EPB41L4A: variants seen among roughly 807,000 people sequenced by gnomAD.
The protein encoded by EPB41L4A is erythrocyte membrane protein band 4.1 like 4A.
EPB41L4A carries 100 observed loss-of-function variants against 108.6 expected under a neutral mutation model. The ratio of observed to expected loss-of-function variants is 0.92; its 90% CI spans 0.78 to 1.09. EPB41L4A has a LOEUF of 1.09. EPB41L4A is among the 50% of genes least tolerant of loss of function. EPB41L4A has a pLI of 0.00. For missense variants in EPB41L4A, 1,030 were observed against 842.7 expected (o/e 1.22, Z -2.75); for synonymous variants, 319 against 289.0 (o/e 1.10, Z -1.05).
At chr5:112,284,229 T>C (rs1301860970) in intron 2 of EPB41L4A, among the ~76,000 whole-genome samples, 1 of 152,128 alleles carries the variant, frequency 6.6e-6, no homozygotes, top group Non-Finnish European at 1.5e-5. Context: ...AGCAGAGAGC[T>C]GAGAATCATG....
intron 1 of EPB41L4A, among the ~76,000 whole-genome samples, chr5:112,346,374 C>G (rs765609957): frequency 6.6e-6 from 1 of 151,770 alleles, no homozygotes; most frequent in Non-Finnish European, 1.5e-5. Flanking sequence ...CAGGCATGCA[C>G]CACCACACCT....
At chr5:112,413,239 T>C (rs1762515604) in intron 1 of EPB41L4A, among the ~76,000 whole-genome samples, 1 of 152,362 alleles carries the variant, frequency 6.6e-6, no homozygotes, top group Admixed American at 6.5e-5. Context: ...TCATGTTTTC[T>C]GAAATAGCTG....
At chr5:112,159,886 ATCTGTT>A (rs1380221237), downstream of EPB41L4A, among the ~76,000 whole-genome samples, 1 of 149,510 alleles carries the variant, frequency 6.7e-6, no homozygotes, top group Non-Finnish European at 1.5e-5. Flanking sequence ...AATTAATTTG[ATCTGTT>A]TCTTTTTACT....
intron 2 of EPB41L4A, among the ~76,000 whole-genome samples, chr5:112,292,217 T>A (rs1274048857): frequency 6.6e-6 from 1 of 152,238 alleles, no homozygotes; most frequent in Non-Finnish European, 1.5e-5. Context: ...GTATCTGCTA[T>A]GTGATTGAAT....
At chr5:112,418,713 G>A (rs767295516) in intron 1 of EPB41L4A, among the ~76,000 whole-genome samples, 19 of 152,062 alleles carry the variant, frequency 1.2e-4, no homozygotes, top group Non-Finnish European at 2.5e-4. Context: ...CCGGTGTGCT[G>A]AGTAAACTTA....
intron 15 of EPB41L4A, among the ~76,000 whole-genome samples, chr5:112,200,354 T>C (rs886614584): frequency 1.3e-5 from 2 of 152,250 alleles, no homozygotes; most frequent in African/African-American, 2.4e-5. Flanking sequence ...GGCATCTATT[T>C]ATAAAAATTT....
chr5:112,234,298 C>G (rs934232416), intron 12 of EPB41L4A, among the ~76,000 whole-genome samples: 1 of 151,666 alleles, frequency 6.6e-6, no homozygotes, highest in African/African-American at 2.4e-5. Flanking sequence ...CAGAACATCA[C>G]TTGGGCCCAG....
At chr5:112,370,678 G>A (rs1759436480) in intron 1 of EPB41L4A, among the ~76,000 whole-genome samples, 2 of 152,208 alleles carry the variant, frequency 1.3e-5, no homozygotes, top group Admixed American at 1.3e-4. Flanking sequence ...ACTTTGGGAG[G>A]CTGAGGCGGG....
chr5:112,200,115 T>G (rs1270597290), intron 15 of EPB41L4A, among the ~76,000 whole-genome samples: 1 of 152,240 alleles, frequency 6.6e-6, no homozygotes, highest in Non-Finnish European at 1.5e-5. Context: ...TTTTATTCAC[T>G]CTCAGAGTCT....
rs79265651 is a variant in EPB41L4A at position 112,310,536 on chromosome 5, T to C, written c.100-3046A>G. 5.7e-3 allele frequency among the ~76,000 whole-genome samples: 873 copies of C among 152,336 alleles called. 8 individuals are homozygous for C. Among genetic ancestry groups the C allele is most frequent in the African/African-American group, 0.02 (823 of 41,572 alleles). ...GTATGGCCCGAACGCATATCCTTAA[T>C]CAAATAGATGGTTCCTTCAATTCTG... On this transcript the variant is annotated intron_variant, in intron 1 of 22. Transcript: ENST00000261486.
At chr5:112,336,263 A>C (rs2150681215) in intron 1 of EPB41L4A, among the ~76,000 whole-genome samples, 1 of 152,336 alleles carries the variant, frequency 6.6e-6, no homozygotes, top group South Asian at 2.1e-4. Flanking sequence ...GGGCAGTGGA[A>C]ATTGAACCTG....
intron 1 of EPB41L4A, among the ~76,000 whole-genome samples, chr5:112,385,874 T>TA (rs1760488688): frequency 6.6e-6 from 1 of 152,240 alleles, no homozygotes; most frequent in Non-Finnish European, 1.5e-5. Flanking sequence ...TTTCTGGAAA[T>TA]AATGTGGGCA....
Position 112,163,673 on chromosome 5 carries a change from G to A in EPB41L4A, c.*1317C>T, listed in dbSNP as rs888443466. On this transcript the variant is annotated 3_prime_UTR_variant, in exon 23 of 23. Coordinates refer to ENST00000261486, the MANE Select transcript of EPB41L4A (RefSeq NM_022140.5). ...GCTTAAGATAGGGATTAGATGAATTGAGGGCAATGACTAAAGATACTGCTT... is the reference window on the plus strand; with the variant it reads ...GCTTAAGATAGGGATTAGATGAATTAAGGGCAATGACTAAAGATACTGCTT... 2.6e-5 allele frequency: 4 copies of A among 152,214 alleles called. No homozygotes were observed. Among genetic ancestry groups the A allele is most frequent in the African/African-American group, 9.6e-5 (4 of 41,454 alleles). 9.4% of individuals were successfully genotyped at this position (152,214 alleles called of 1,614,324 possible).
At chr5:112,232,194 G>A (rs1749008048) in intron 12 of EPB41L4A, among the ~76,000 whole-genome samples, 2 of 151,874 alleles carry the variant, frequency 1.3e-5, no homozygotes, top group South Asian at 2.1e-4. Context: ...AGGCTGGGCT[G>A]TGCATTAGGG....
chr5:112,330,702 G>A (rs1756506426), intron 1 of EPB41L4A, among the ~76,000 whole-genome samples: 1 of 151,614 alleles, frequency 6.6e-6, no homozygotes, highest in Non-Finnish European at 1.5e-5. Context: ...GTTTGCAACT[G>A]TGCTATCCTG....
chr5:112,295,173 G>A (rs1202324176), intron 2 of EPB41L4A, among the ~76,000 whole-genome samples: 1 of 152,184 alleles, frequency 6.6e-6, no homozygotes, highest in East Asian at 1.9e-4. Flanking sequence ...ATTAGTGAGT[G>A]AACTGTATGG....
At chr5:112,297,972 T>C (rs1754112739) in intron 2 of EPB41L4A, among the ~76,000 whole-genome samples, 1 of 152,194 alleles carries the variant, frequency 6.6e-6, no homozygotes, top group African/African-American at 2.4e-5. Context: ...CTCTATTCTA[T>C]TCCATTGGTC....
At chr5:112,278,213 G>A (rs545864276) in intron 3 of EPB41L4A, among the ~76,000 whole-genome samples, 47 of 151,454 alleles carry the variant, frequency 3.1e-4, no homozygotes, top group Admixed American at 1.8e-3. Context: ...CTAACGTTTC[G>A]TCAATTATAA....
chr5:112,192,250 A>G (rs534183724), intron 17 of EPB41L4A: 3 of 152,424 alleles, frequency 2.0e-5, no homozygotes, highest in African/African-American at 7.2e-5. Flanking sequence ...AGACAGCACA[A>G]TGAGTTTCCA....
Sources: gnomAD v4.1 joint callset for allele counts (sites outside exome capture counted in the v4.1 genomes callset) on GRCh38, gnomAD v4.1.1 for gene constraint, MANE v1.5 for transcripts, NCBI Gene and HGNC (gene_info 2026-07-23, HGNC 2026-07-21) for gene names.